Variants in SLC61A1 observed in about 807,000 individuals in gnomAD.
The protein encoded by SLC61A1 is major facilitator superfamily domain containing 5.
chr12:53,253,652 G>A, the SLC61A1 span: 1 of 1,614,088 alleles, frequency 6.2e-7, no homozygotes, highest in East Asian at 2.2e-5. Context: ...CTGGACACCT[G>A]TGCTGGACCC....
At chr12:53,254,288 T>G in the SLC61A1 span, 1 of 1,411,848 alleles carries the variant, frequency 7.1e-7, no homozygotes, top group Non-Finnish European at 9.6e-7. Context: ...GTCCTGTGGT[T>G]TCTCCTGCCA....
the SLC61A1 span, chr12:53,251,484 G>C: frequency 2.0e-6 from 1 of 511,108 alleles, no homozygotes; most frequent in Non-Finnish European, 3.4e-6. Flanking sequence ...AGAAGGTAGG[G>C]AATTAAGCTC....
the SLC61A1 span, chr12:53,254,017 T>C: frequency 2.5e-6 from 4 of 1,614,236 alleles, no homozygotes; most frequent in African/African-American, 2.7e-5. Flanking sequence ...TAGGGCTCCT[T>C]GTCCTCCATG....
At chr12:53,252,679 C>A in the SLC61A1 span, 1 of 1,231,650 alleles carries the variant, frequency 8.1e-7, no homozygotes, top group Non-Finnish European at 1.1e-6. Flanking sequence ...CCCACCCACC[C>A]AACTGGTCCC....
the SLC61A1 span, chr12:53,252,166 G>A: frequency 1.4e-6 from 2 of 1,432,246 alleles, no homozygotes; most frequent in African/African-American, 1.5e-5. Flanking sequence ...AGGGGCGGGA[G>A]CGCTGCTGGA....
chr12:53,252,127 G>T, the SLC61A1 span: 1 of 1,441,592 alleles, frequency 6.9e-7, no homozygotes, highest in South Asian at 1.5e-5. Context: ...GCGGCCAGAG[G>T]CCTGCCCGGC....
At chr12:53,253,037 C>G in the SLC61A1 span, 1 of 1,614,236 alleles carries the variant, frequency 6.2e-7, no homozygotes, top group Non-Finnish European at 8.5e-7. Flanking sequence ...TAAACTCTAC[C>G]AGCATTACTA....
At chr12:53,254,143 G>A in the SLC61A1 span, 1,788 of 1,614,186 alleles carry the variant, frequency 1.1e-3, 19 homozygotes, top group African/African-American at 0.022. Context: ...ATGCTGAGCT[G>A]CGGGTACCTT....
At chr12:53,254,350 G>A in the SLC61A1 span, 1 of 819,798 alleles carries the variant, frequency 1.2e-6, no homozygotes, top group Non-Finnish European at 1.9e-6. Flanking sequence ...GAAAGAAGGT[G>A]CCAAAAGTTC....
chr12:53,253,575 G>A, the SLC61A1 span: 88 of 1,613,888 alleles, frequency 5.5e-5, 1 homozygote, highest in South Asian at 7.6e-4. Context: ...CTGTCGGACC[G>A]CCGCGTGCTG....
the SLC61A1 span, chr12:53,254,312 G>A: frequency 8.1e-7 from 1 of 1,227,648 alleles, no homozygotes; most frequent in Non-Finnish European, 1.1e-6. Context: ...CTTTGTGTTT[G>A]GGAGGACATG....
the SLC61A1 span, chr12:53,253,588 G>C: frequency 8.1e-6 from 13 of 1,613,096 alleles, no homozygotes; most frequent in African/African-American, 1.2e-4. Context: ...GCGTGCTGCT[G>C]TTGGGCACCA....
At chr12:53,253,757 C>T in the SLC61A1 span, 7 of 1,614,056 alleles carry the variant, frequency 4.3e-6, no homozygotes, top group Non-Finnish European at 5.9e-6. Flanking sequence ...CAAGAGGTAC[C>T]ACCTTCAGCC....
the SLC61A1 span, chr12:53,252,943 C>G: frequency 6.2e-7 from 1 of 1,614,228 alleles, no homozygotes; most frequent in Non-Finnish European, 8.5e-7. Flanking sequence ...GCAGCAATCC[C>G]TCCTTCCTTC....
At chr12:53,252,681 A>G in the SLC61A1 span, 5 of 1,239,720 alleles carry the variant, frequency 4.0e-6, no homozygotes, top group Non-Finnish European at 3.3e-6. Context: ...CACCCACCCA[A>G]CTGGTCCCTC....
the SLC61A1 span, chr12:53,251,918 C>A: frequency 5.2e-6 from 8 of 1,537,166 alleles, no homozygotes; most frequent in Non-Finnish European, 7.0e-6. Context: ...CATCCAAGAG[C>A]CAGAGGAGCA....
the SLC61A1 span, chr12:53,253,621 C>G: frequency 6.2e-7 from 1 of 1,613,894 alleles, no homozygotes; most frequent in Non-Finnish European, 8.5e-7. Context: ...TTGAGAGTGT[C>G]ATCTTCATCT....
At chr12:53,253,398 C>T in the SLC61A1 span, 1 of 1,613,784 alleles carries the variant, frequency 6.2e-7, no homozygotes, top group Non-Finnish European at 8.5e-7. Flanking sequence ...GCAGGTGTGG[C>T]AGCTGAGGCT....
At chr12:53,253,546 T>A in the SLC61A1 span, 1 of 1,614,068 alleles carries the variant, frequency 6.2e-7, no homozygotes, top group Non-Finnish European at 8.5e-7. Flanking sequence ...GGACCTGTGC[T>A]GGAGGCCTGC....
Sources: allele counts gnomAD v4.1 joint callset, GRCh38; gene constraint gnomAD v4.1.1; transcripts MANE v1.5; gene names NCBI Gene and HGNC (gene_info 2026-07-23, HGNC 2026-07-21).